Variants in IQCJ observed in about 807,000 individuals in gnomAD.
The protein encoded by IQCJ is IQ motif containing J, also known as IQ domain-containing protein J.
Under a neutral mutation model 11.0 loss-of-function variants are expected in IQCJ, and 9 were observed. The observed-to-expected ratio is 0.82, with a 90% CI of 0.49 to 1.43. The LOEUF is 1.43. Among genes scored for constraint, IQCJ ranks in the 40% most tolerant of loss-of-function variants. The probability of loss-of-function intolerance (pLI) is 0.00; values close to 1 mark genes in which losing one functional copy is unlikely to be tolerated. For missense variants in IQCJ, 146 were observed against 133.2 expected (o/e 1.10, Z -0.47); for synonymous variants, 55 against 51.3 (o/e 1.07, Z -0.31).
intron 1 of IQCJ, among the ~76,000 whole-genome samples, chr3:159,114,215 G>T (rs1428906818): frequency 1.3e-5 from 2 of 152,096 alleles, no homozygotes; most frequent in East Asian, 3.9e-4. Flanking sequence ...ACAGTGCACT[G>T]TATTTTCTAA....
At chr3:159,260,455 G>C (rs138883851) in intron 3 of IQCJ, among the ~76,000 whole-genome samples, 7 of 152,236 alleles carry the variant, frequency 4.6e-5, no homozygotes, top group African/African-American at 1.7e-4. Flanking sequence ...CACATTCTGA[G>C]CTCTTGACGG....
intron 1 of IQCJ, among the ~76,000 whole-genome samples, chr3:159,242,856 T>C (rs1230417636): frequency 6.6e-6 from 1 of 152,060 alleles, no homozygotes; most frequent in Non-Finnish European, 1.5e-5. Context: ...AATGAAAAGA[T>C]TTGCTTGTCA....
intron 1 of IQCJ, among the ~76,000 whole-genome samples, chr3:159,114,640 C>T (rs7631700): frequency 0.67 from 101,779 of 151,732 alleles, 34,283 homozygotes; most frequent in Non-Finnish European, 0.71. Context: ...TCTCTTTGGG[C>T]GAAATTCGGA....
chr3:159,089,051 C>T (rs1717026791), intron 1 of IQCJ, among the ~76,000 whole-genome samples: 1 of 152,052 alleles, frequency 6.6e-6, no homozygotes, highest in South Asian at 2.1e-4. Context: ...TTTGCAGTGG[C>T]TGGTACCGGT....
At chr3:159,217,402 T>G (rs1725292314) in intron 1 of IQCJ, among the ~76,000 whole-genome samples, 2 of 152,212 alleles carry the variant, frequency 1.3e-5, no homozygotes, top group South Asian at 4.1e-4. Flanking sequence ...GGTTGAGTGT[T>G]ATCACATGCT....
intron 1 of IQCJ, among the ~76,000 whole-genome samples, chr3:159,216,137 G>A (rs1725220222): frequency 6.6e-6 from 1 of 150,492 alleles, no homozygotes; most frequent in South Asian, 2.1e-4. Context: ...AGGCTCTTAT[G>A]CTCCCTACAC....
In IQCJ at chr3:159,260,171, G is replaced by A. The variant is rs141096745; in HGVS notation, c.156-2377G>A. On this transcript the variant is annotated intron_variant, in intron 3 of 3. Transcript: ENST00000397832. ...TCCATAAAACCAGGAGGGAGAAGAG[G>A]ATGTTTAAGTGCAAATTCCTTTGCA... 1.9e-3 allele frequency among the ~76,000 whole-genome samples: 294 copies of A among 152,242 alleles called. 1 individual carries two copies. Among genetic ancestry groups the A allele is most frequent in the Non-Finnish European group, 3.7e-3 (253 of 68,016 alleles).
At chr3:159,165,726 G>A (rs1256033909) in intron 1 of IQCJ, among the ~76,000 whole-genome samples, 1 of 149,428 alleles carries the variant, frequency 6.7e-6, no homozygotes, top group Non-Finnish European at 1.5e-5. Context: ...CAATTCTCCT[G>A]CCTCAGCCTC....
At chr3:159,243,346 T>C (rs1727048478) in intron 1 of IQCJ, among the ~76,000 whole-genome samples, 1 of 152,172 alleles carries the variant, frequency 6.6e-6, no homozygotes, top group African/African-American at 2.4e-5. Context: ...TTATTCATAC[T>C]AGGCCATATG....
intron 1 of IQCJ, among the ~76,000 whole-genome samples, chr3:159,087,453 T>C (rs9758718): frequency 0.74 from 107,557 of 145,690 alleles, 39,881 homozygotes; most frequent in East Asian, 0.82. Flanking sequence ...AGGGAGGATT[T>C]CCTCTTTTTC....
At chr3:159,258,456 T>C (rs1728021659) in intron 3 of IQCJ, among the ~76,000 whole-genome samples, 1 of 152,000 alleles carries the variant, frequency 6.6e-6, no homozygotes, top group Non-Finnish European at 1.5e-5. Context: ...GCAAAACCAA[T>C]GAAAAGGAGA....
Position 159,176,926 on chromosome 3 carries a change from T to A in IQCJ, c.10-68917T>A, listed in dbSNP as rs967192040. 2.6e-5 allele frequency among the ~76,000 whole-genome samples: 4 copies of A among 152,156 alleles called. No individual in the cohort carries two copies. The East Asian group carries it at 5.8e-4, about 22-fold the overall frequency. On this transcript the variant is annotated intron_variant, in intron 1 of 3. Coordinates refer to ENST00000397832, the MANE Select transcript of IQCJ (RefSeq NM_001042706.3). Reference sequence around the variant, plus strand: ...CAAAGTGGTGATAAAATATATGAGATTCAACTGTGTGGCCAGGAGAATATA... The same window carrying A: ...CAAAGTGGTGATAAAATATATGAGAATCAACTGTGTGGCCAGGAGAATATA...
intron 1 of IQCJ, among the ~76,000 whole-genome samples, chr3:159,197,749 C>T (rs1724072032): frequency 6.6e-6 from 1 of 151,570 alleles, no homozygotes; most frequent in Non-Finnish European, 1.5e-5. Flanking sequence ...GAGTTGTAGC[C>T]CTGTGCAAAG....
intron 1 of IQCJ, among the ~76,000 whole-genome samples, chr3:159,085,381 T>C (rs1008315684): frequency 2.0e-5 from 3 of 152,270 alleles, no homozygotes; most frequent in African/African-American, 7.2e-5. Flanking sequence ...TAAACATACA[T>C]GTGCATGTGT....
intron 1 of IQCJ, among the ~76,000 whole-genome samples, chr3:159,230,303 T>C: frequency 6.6e-6 from 1 of 152,212 alleles, no homozygotes; most frequent in Non-Finnish European, 1.5e-5. Flanking sequence ...GATGGGCAGC[T>C]AGGTTAATTC....
At chr3:159,253,139 G>T (rs904184443) in intron 3 of IQCJ, among the ~76,000 whole-genome samples, 1 of 151,960 alleles carries the variant, frequency 6.6e-6, no homozygotes, top group East Asian at 1.9e-4. Flanking sequence ...GAACAATTTG[G>T]TTATTTCCAC....
downstream of IQCJ, chr3:159,265,399 A>G (rs202023438): frequency 2.4e-5 from 38 of 1,612,206 alleles, no homozygotes; most frequent in African/African-American, 4.3e-4. Flanking sequence ...CTCACCCTCC[A>G]GTGAATGGAC....
At chr3:159,209,587 A>C (rs1012060642) in intron 1 of IQCJ, among the ~76,000 whole-genome samples, 2 of 152,102 alleles carry the variant, frequency 1.3e-5, no homozygotes, top group Non-Finnish European at 2.9e-5. Context: ...CTTGTAACAC[A>C]CGTCCTCTGG....
chr3:159,103,850 A>G (rs1718080663), intron 1 of IQCJ, among the ~76,000 whole-genome samples: 2 of 152,278 alleles, frequency 1.3e-5, no homozygotes, highest in South Asian at 4.1e-4. Context: ...TTGAGAAGTA[A>G]TAATGCTAGG....
Sources: gnomAD v4.1 joint callset for allele counts (sites outside exome capture counted in the v4.1 genomes callset) on GRCh38, gnomAD v4.1.1 for gene constraint, MANE v1.5 for transcripts, NCBI Gene and HGNC (gene_info 2026-07-23, HGNC 2026-07-21) for gene names.